TASOR: variants seen among roughly 807,000 people sequenced by gnomAD.
The protein encoded by TASOR is protein TASOR.
TASOR carries 53 observed loss-of-function variants against 178.6 expected under a neutral mutation model. The ratio of observed to expected loss-of-function variants is 0.30; its 90% CI spans 0.24 to 0.37. The LOEUF (loss-of-function observed/expected upper bound fraction) is 0.37, where lower values mean the gene tolerates loss of function less well. TASOR is among the 10% of genes least tolerant of loss of function. TASOR has a pLI of 1.00. For synonymous variants in TASOR, 713 were observed against 696.2 expected (o/e 1.02, Z -0.38); for missense variants, 1,815 against 1,971.4 (o/e 0.92, Z 1.50).
intron 11 of TASOR, among the ~76,000 whole-genome samples, chr3:56,653,372 G>T (rs182337055): frequency 1.1e-4 from 16 of 142,294 alleles, no homozygotes; most frequent in African/African-American, 3.1e-4. Context: ...CAAATCCACA[G>T]ATATGAAAGG....
intron 14 of TASOR, among the ~76,000 whole-genome samples, chr3:56,642,179 TATA>T (rs1354277817): frequency 1.3e-5 from 2 of 152,198 alleles, no homozygotes; most frequent in Non-Finnish European, 2.9e-5. Context: ...CCATACCTAT[TATA>T]TTTTGTCCTT....
rs1411066734 is a variant in TASOR at position 56,621,280 on chromosome 3, A to AGTT, written c.*1754_*1756dup. The AGTT allele has an allele frequency of 1.1e-5, 3 of 285,462 alleles. No homozygotes were observed. In the South Asian group the frequency reaches 3.0e-4, roughly 29 times the overall value. 17.7% of individuals were successfully genotyped at this position (285,462 alleles called of 1,614,324 possible). A position where few individuals can be genotyped will look rare whatever the true frequency, so the allele number is the denominator to read the frequency against. ...AAGGGATGACTTCATTTACCCCCAT[A>AGTT]GTTATGGAGTCTTGAGTTCTAAGAA... On this transcript the variant is annotated 3_prime_UTR_variant, in exon 24 of 24. Transcript: ENST00000683822.
intron 16 of TASOR, among the ~76,000 whole-genome samples, chr3:56,639,272 T>C (rs1057501613): frequency 2.0e-5 from 3 of 151,974 alleles, no homozygotes; most frequent in Non-Finnish European, 4.4e-5. Context: ...GTTAGAGGTG[T>C]AGGACTGGAA....
chr3:56,625,680 T>G (rs893258172), intron 21 of TASOR, among the ~76,000 whole-genome samples: 1 of 151,718 alleles, frequency 6.6e-6, no homozygotes, highest in Non-Finnish European at 1.5e-5. Flanking sequence ...ATTATGGCTC[T>G]AAGCTATTTC....
At chr3:56,666,529 A>C (rs1286069605) in intron 6 of TASOR, 145 bp from the exon 7 acceptor site, 1 of 496,420 alleles carries the variant, frequency 2.0e-6, no homozygotes, top group East Asian at 3.4e-5. Flanking sequence ...AATTTAACTA[A>C]AATAATTAGT....
intron 11 of TASOR, among the ~76,000 whole-genome samples, chr3:56,659,851 T>C (rs1489887864): frequency 6.6e-6 from 1 of 152,032 alleles, no homozygotes; most frequent in Non-Finnish European, 1.5e-5. Flanking sequence ...TCAACCTCAC[T>C]GAGTTTATTG....
intron 19 of TASOR, 65 bp downstream of exon 19, chr3:56,628,427 A>G (rs568269402): frequency 1.0e-5 from 14 of 1,387,100 alleles, no homozygotes; most frequent in Non-Finnish European, 1.4e-5. Flanking sequence ...AGTCTGGCAG[A>G]CAGTAAGATT....
At chr3:56,636,109 G>T (rs1277538490) in intron 17 of TASOR, among the ~76,000 whole-genome samples, 1 of 151,698 alleles carries the variant, frequency 6.6e-6, no homozygotes, top group African/African-American at 2.4e-5. Flanking sequence ...TTCGAGACCA[G>T]CCTGGCCAAC....
intron 20 of TASOR, 43 bp downstream of exon 20, chr3:56,627,539 G>A (rs774705383): frequency 2.1e-5 from 34 of 1,598,982 alleles, no homozygotes; most frequent in Admixed American, 1.3e-4. Flanking sequence ...AAAAGTATGA[G>A]AGTCAGAAGA....
rs2076698365 is a variant in TASOR at position 56,622,177 on chromosome 3, G to A, written c.*860C>T. 1 of 152,192 alleles carries A rather than the reference G, an allele frequency of 6.6e-6. No individual in the cohort carries two copies. The highest frequency in any genetic ancestry group is 1.5e-5 in the Non-Finnish European group (1 of 68,056). 9.4% of individuals were successfully genotyped at this position (152,192 alleles called of 1,614,324 possible). On this transcript the variant is annotated 3_prime_UTR_variant, in exon 24 of 24. Transcript: ENST00000683822. The stretch of plus-strand genomic sequence containing the variant: ...TTTTAAAAGTTAGCATTAGTAACAA[G>A]TTAGTAATTAGTATTAGAGGCAGTA...
At chr3:56,631,683 AC>A (rs1341586970) in intron 18 of TASOR, among the ~76,000 whole-genome samples, 1 of 148,324 alleles carries the variant, frequency 6.7e-6, no homozygotes, top group East Asian at 2.0e-4. Flanking sequence ...TCCCGGATTC[AC>A]CCCATTCTCC....
At chr3:56,670,717 C>G (rs1360816883) in intron 3 of TASOR, among the ~76,000 whole-genome samples, 1 of 150,704 alleles carries the variant, frequency 6.6e-6, no homozygotes, top group Non-Finnish European at 1.5e-5. Flanking sequence ...AGGCAGATCA[C>G]TTGAGGTCAG....
rs538825379 is a variant in TASOR at position 56,621,435 on chromosome 3, C to T, written c.*1602G>A. ...TTGAATGACAAAATTTTATCCTAAG[C>T]GATATGTTTTCCAAGTGAATATAAT... On this transcript the variant is annotated 3_prime_UTR_variant, in exon 24 of 24. Transcript: ENST00000683822. The T allele has an allele frequency of 2.8e-5, 23 of 830,062 alleles. No individual in the cohort carries two copies. Among genetic ancestry groups the T allele is most frequent in the Middle Eastern group, 4.9e-4 (2 of 4,060 alleles). The allele number at this position is 830,062 out of a possible 1,614,324, so 51.4% of individuals were successfully genotyped here.
chr3:56,656,727 C>T (rs973273117), intron 11 of TASOR, among the ~76,000 whole-genome samples: 9 of 151,590 alleles, frequency 5.9e-5, no homozygotes, highest in African/African-American at 1.9e-4. Flanking sequence ...AAAGAATACA[C>T]TAGGCTGGGC....
At chr3:56,649,135 C>A in intron 11 of TASOR, 78 bp from the exon 12 acceptor site, 1 of 1,061,814 alleles carries the variant, frequency 9.4e-7, no homozygotes, top group Non-Finnish European at 1.3e-6. Context: ...GCATTTTCTA[C>A]TAATTGTAAA....
chr3:56,654,397 CGGGGTTGG>C (rs997939085), intron 11 of TASOR, among the ~76,000 whole-genome samples: 4 of 18,520 alleles, frequency 2.2e-4, no homozygotes, highest in African/African-American at 1.3e-3. Flanking sequence ...CAGGGGTGGG[CGGGGTTGG>C]GGGGTGGTAG....
chr3:56,641,592 T>G lies in TASOR; in HGVS notation c.2376A>C (p.Thr792=). ...TGCTCAATCCTAAGGCTTTGTTGAC[T>G]GTGTCTGTCAGAGATGCATCAGAAT... ...ARHSDASLTD[T]VNKALGLSTD... is the part of the protein sequence containing the mutation. Residue 792 remains threonine (T), a synonymous_variant, in exon 15 of 24, where the codon ACA becomes ACC. Transcript: ENST00000683822. 1.2e-6 allele frequency: 2 copies of G among 1,614,212 alleles called. No individual in the cohort carries two copies. Among genetic ancestry groups the G allele is most frequent in the Non-Finnish European group, 1.7e-6 (2 of 1,180,038 alleles).
intron 2 of TASOR, among the ~76,000 whole-genome samples, chr3:56,672,191 A>G (rs1487395184): frequency 2.6e-5 from 4 of 152,216 alleles, no homozygotes; most frequent in East Asian, 1.9e-4. Flanking sequence ...AGTTGGAACT[A>G]TAAGTTATCC....
rs2030969192 is a variant in TASOR, at chr3:56,673,581, T to C, written c.476A>G (p.Glu159Gly). ...CLVHNELLEK[E>G]FTEKRRELKF... The stretch of plus-strand genomic sequence containing the variant: ...CAGTAAGTATAATTTAAAACATACC[T>C]CCTTTTCCAAAAGCTCATTGTGTAC... Residue 159 changes from glutamate (E) to glycine (G), a missense_variant and splice_region_variant, in exon 2 of 24, where the codon GAG becomes GGG. Glu to Gly is a moderately conservative substitution (Grantham distance 98). Around this residue, in one of 5 missense-constraint regions of TASOR, gnomAD observed 504 missense variants for 645.3 expected, o/e 0.78. Coordinates refer to ENST00000683822, the MANE Select transcript of TASOR (RefSeq NM_001365635.2). The C allele has an allele frequency of 6.5e-7, 1 of 1,541,840 alleles. No individual in the cohort carries two copies. The highest frequency in any genetic ancestry group is 8.7e-7 in the Non-Finnish European group (1 of 1,143,442).
Sources: allele counts gnomAD v4.1 joint callset (sites outside exome capture counted in the v4.1 genomes callset), GRCh38; gene constraint gnomAD v4.1.1; regional missense constraint gnomAD v4.1.1; transcripts MANE v1.5; gene names NCBI Gene and HGNC (gene_info 2026-07-23, HGNC 2026-07-21).